The following RYR2 variants were observed in gnomAD, a reference collection of about 807,000 sequenced individuals.
The protein encoded by RYR2 is ryanodine receptor 2, also known as cardiac muscle ryanodine receptor-calcium release channel.
Under a neutral mutation model 601.1 loss-of-function variants are expected in RYR2, and 227 were observed. That is an observed-to-expected ratio of 0.38 (90% CI 0.34 to 0.42). The LOEUF (loss-of-function observed/expected upper bound fraction) is 0.42. Ranked by LOEUF, RYR2 falls within the 10% of genes least tolerant of loss-of-function variation. RYR2 has a pLI of 1.00. For missense variants in RYR2, 4,646 were observed against 6,156.5 expected, an observed-to-expected ratio of 0.75 and a Z score of 8.21; for synonymous variants, 2,223 against 2,175.1, an observed-to-expected ratio of 1.02 and a Z score of -0.61.
At chr1:237,543,969 C>G (rs1350257030) in intron 25 of RYR2, among the ~76,000 whole-genome samples, 1 of 151,980 alleles carries the variant, frequency 6.6e-6, no homozygotes, top group Non-Finnish European at 1.5e-5. Flanking sequence ...CAAATAGAAT[C>G]GACAGTTGGC....
intron 1 of RYR2, among the ~76,000 whole-genome samples, chr1:237,190,425 G>T (rs776564807): frequency 9.2e-5 from 14 of 152,094 alleles, no homozygotes; most frequent in Non-Finnish European, 1.8e-4. Flanking sequence ...TGTCTATCAA[G>T]TCCTTTGCCC....
chr1:237,148,809 A>G (rs926902116), intron 1 of RYR2, among the ~76,000 whole-genome samples: 4 of 152,052 alleles, frequency 2.6e-5, no homozygotes, highest in Non-Finnish European at 4.4e-5. Flanking sequence ...CCAAGTGTCT[A>G]GTACACAGTA....
At chr1:237,477,163 CA>C (rs1318637198) in intron 17 of RYR2, among the ~76,000 whole-genome samples, 1 of 152,142 alleles carries the variant, frequency 6.6e-6, no homozygotes, top group Non-Finnish European at 1.5e-5. Context: ...GAGGCCGAGG[CA>C]GGCGGATCAC....
At chr1:237,224,621 G>T (rs1207112103) in intron 1 of RYR2, among the ~76,000 whole-genome samples, 2 of 152,132 alleles carry the variant, frequency 1.3e-5, no homozygotes, top group Non-Finnish European at 2.9e-5. Flanking sequence ...ACTGTGGGAG[G>T]CCGAGGCAGG....
intron 58 of RYR2, among the ~76,000 whole-genome samples, chr1:237,669,888 G>C (rs577463228): frequency 0.011 from 1,673 of 152,244 alleles, 32 homozygotes; most frequent in African/African-American, 0.038. Context: ...AGACGGGGTG[G>C]CGGCCGGGCA....
intron 34 of RYR2, among the ~76,000 whole-genome samples, chr1:237,598,833 A>G (rs1676176420): frequency 6.6e-6 from 1 of 152,206 alleles, no homozygotes; most frequent in African/African-American, 2.4e-5. Context: ...AGACTAAACA[A>G]TACAAAAGAT....
At chr1:237,751,334 C>A (rs1178833242) in intron 80 of RYR2, among the ~76,000 whole-genome samples, 1 of 152,192 alleles carries the variant, frequency 6.6e-6, no homozygotes, top group Non-Finnish European at 1.5e-5. Flanking sequence ...AGATAAACTA[C>A]ATTCCCTCTA....
chr1:237,434,230 T>C (rs1707125032), intron 12 of RYR2, among the ~76,000 whole-genome samples: 1 of 152,220 alleles, frequency 6.6e-6, no homozygotes, highest in Non-Finnish European at 1.5e-5. Flanking sequence ...AATTCCATGT[T>C]GCTAGTTGAC....
At chr1:237,364,794 G>A (rs1700064158) in intron 5 of RYR2, among the ~76,000 whole-genome samples, 1 of 152,078 alleles carries the variant, frequency 6.6e-6, no homozygotes, top group African/African-American at 2.4e-5. Context: ...TGGGGATTAT[G>A]TTGACTTTGC....
At chr1:237,430,782 T>C (rs1706722259) in intron 12 of RYR2, among the ~76,000 whole-genome samples, 1 of 152,204 alleles carries the variant, frequency 6.6e-6, no homozygotes, top group African/African-American at 2.4e-5. Context: ...TTTTTGAATG[T>C]TCTTGATAGA....
chr1:237,284,683 T>TCACACACACACACACACACAC (rs141656042), intron 2 of RYR2, among the ~76,000 whole-genome samples: 2 of 143,570 alleles, frequency 1.4e-5, no homozygotes, highest in African/African-American at 5.2e-5. Flanking sequence ...TATATATATG[T>TCACACACACACACACACACAC]ACACACACAC....
chr1:237,347,100 T>C (rs915399834), intron 3 of RYR2, among the ~76,000 whole-genome samples: 4 of 152,038 alleles, frequency 2.6e-5, no homozygotes, highest in African/African-American at 9.7e-5. Flanking sequence ...GCAGGAGGAT[T>C]GCTTGAAGCT....
At chr1:237,233,664 T>C (rs564153187) in intron 1 of RYR2, among the ~76,000 whole-genome samples, 10 of 152,146 alleles carry the variant, frequency 6.6e-5, no homozygotes, top group Non-Finnish European at 1.3e-4. Context: ...GTAGTCTTAT[T>C]GTTATTTTGA....
intron 1 of RYR2, among the ~76,000 whole-genome samples, chr1:237,183,567 G>A (rs937872453): frequency 6.6e-6 from 1 of 152,174 alleles, no homozygotes; most frequent in Admixed American, 6.5e-5. Context: ...GTAATATGAC[G>A]TATTCAGGTT....
intron 74 of RYR2, among the ~76,000 whole-genome samples, chr1:237,724,255 T>A (rs1690018006): frequency 6.7e-6 from 1 of 148,730 alleles, no homozygotes. Context: ...TAAATTAAAT[T>A]ATATATATAT....
chr1:237,105,834 CAAAAAAAA>C lies in RYR2; in HGVS notation c.48+63282_48+63289del, dbSNP rs34759459. 6.1e-4 allele frequency among the ~76,000 whole-genome samples: 53 copies of C among 87,026 alleles called. 2 individuals are homozygous for C. The East Asian group carries it at 0.011, about 18-fold the overall frequency. 57.1% of individuals were successfully genotyped at this position (87,026 alleles called of 152,430 possible). ...TGGGCGACAAAGCGAGACTCTGTCT[CAAAAAAAA>C]AAAAAAAAAAAAAAAATCCAAACAA... is the stretch of plus-strand genomic sequence containing the variant. On this transcript the variant is annotated intron_variant, in intron 1 of 104. Transcript: ENST00000366574.
chr1:237,362,791 T>C (rs1699887344), intron 4 of RYR2, among the ~76,000 whole-genome samples: 1 of 152,194 alleles, frequency 6.6e-6, no homozygotes, highest in Admixed American at 6.6e-5. Flanking sequence ...GAAAGTGATG[T>C]TTGTGTCTTA....
At chr1:237,429,261 A>T (rs1018657210) in intron 12 of RYR2, among the ~76,000 whole-genome samples, 1 of 152,152 alleles carries the variant, frequency 6.6e-6, no homozygotes, top group Non-Finnish European at 1.5e-5. Context: ...CATTTTACAG[A>T]TGGGGAAAAC....
chr1:237,394,019 C>G (rs1702608888), intron 10 of RYR2, among the ~76,000 whole-genome samples: 1 of 152,132 alleles, frequency 6.6e-6, no homozygotes, highest in African/African-American at 2.4e-5. Context: ...AATAGAAAAA[C>G]AGACAATAGA....
Sources: allele counts gnomAD v4.1 joint callset (sites outside exome capture counted in the v4.1 genomes callset), GRCh38; gene constraint gnomAD v4.1.1; transcripts MANE v1.5; gene names NCBI Gene and HGNC (gene_info 2026-07-23, HGNC 2026-07-21).